CTNNA2: variants seen among roughly 807,000 people sequenced by gnomAD.
CTNNA2 encodes the protein catenin alpha 2.
Under a neutral mutation model 101.0 loss-of-function variants are expected in CTNNA2, and 42 were observed. The observed-to-expected ratio is 0.42, with a 90% confidence interval of 0.32 to 0.54. The LOEUF (loss-of-function observed/expected upper bound fraction) is 0.54, where lower values mean the gene tolerates loss of function less well. CTNNA2 is among the 20% of genes least tolerant of loss of function. The pLI is 0.14. For synonymous variants in CTNNA2, 450 were observed against 456.4 expected (o/e 0.99, Z 0.18); for missense variants, 871 against 1,223.1 (o/e 0.71, Z 4.29).
At chr2:80,217,121 C>T (rs111489707) in intron 7 of CTNNA2, among the ~76,000 whole-genome samples, 4,485 of 152,036 alleles carry the variant, frequency 0.029, 235 homozygotes, top group African/African-American at 0.1. Context: ...CATGAGCCAC[C>T]GAGCCCAGCC....
At chr2:79,751,593 C>CAAAAAAAAA (rs397985098) in intron 3 of CTNNA2, among the ~76,000 whole-genome samples, 20 of 68,916 alleles carry the variant, frequency 2.9e-4, no homozygotes, top group Admixed American at 3.6e-4. Flanking sequence ...GACTCCATCT[C>CAAAAAAAAA]AAAAAAAAAA....
intron 18 of CTNNA2, among the ~76,000 whole-genome samples, chr2:80,633,904 A>G (rs1672563748): frequency 6.6e-6 from 1 of 152,184 alleles, no homozygotes; most frequent in Non-Finnish European, 1.5e-5. Context: ...AGTAAGAGGA[A>G]GAAGACATAG....
chr2:80,531,162 G>A (rs551701710), intron 9 of CTNNA2, among the ~76,000 whole-genome samples: 1 of 152,286 alleles, frequency 6.6e-6, no homozygotes, highest in Admixed American at 6.5e-5. Flanking sequence ...CAGCAGTCAG[G>A]TTGTCTCCCC....
intron 2 of CTNNA2, among the ~76,000 whole-genome samples, chr2:79,715,227 A>C (rs1686011175): frequency 6.9e-6 from 1 of 145,104 alleles, no homozygotes; most frequent in Non-Finnish European, 1.5e-5. Flanking sequence ...AAAAAAAAAA[A>C]AACCCACAGA....
intron 7 of CTNNA2, among the ~76,000 whole-genome samples, chr2:80,366,824 T>C (rs1674979157): frequency 6.6e-6 from 1 of 152,140 alleles, no homozygotes; most frequent in African/African-American, 2.4e-5. Flanking sequence ...TAGGAGGTCC[T>C]GATGACATGT....
intron 3 of CTNNA2, among the ~76,000 whole-genome samples, chr2:79,360,944 C>T (rs1472104253): frequency 1.3e-5 from 2 of 152,016 alleles, no homozygotes; most frequent in Non-Finnish European, 2.9e-5. Context: ...TGTTTAGCTA[C>T]CACCATCTGT....
At chr2:80,002,307 G>A (rs1052839610) in intron 7 of CTNNA2, among the ~76,000 whole-genome samples, 1 of 152,130 alleles carries the variant, frequency 6.6e-6, no homozygotes, top group Non-Finnish European at 1.5e-5. Flanking sequence ...ACTCTAAAAG[G>A]AAAATTGAGA....
intron 2 of CTNNA2, among the ~76,000 whole-genome samples, chr2:79,685,289 T>G (rs1464510601): frequency 6.6e-6 from 1 of 152,214 alleles, no homozygotes; most frequent in Admixed American, 6.5e-5. Context: ...GAATCGTGCC[T>G]GGCTTTATGG....
chr2:80,096,465 A>T (rs919539217), intron 7 of CTNNA2, among the ~76,000 whole-genome samples: 4 of 152,302 alleles, frequency 2.6e-5, no homozygotes, highest in Non-Finnish European at 5.9e-5. Context: ...TGGTGCTGAA[A>T]AGAATATATA....
At position 79,856,555 on chromosome 2, in the gene CTNNA2, T is replaced by C. The variant is rs558291217; in HGVS notation, c.299-1458T>C. On this transcript the variant is annotated intron_variant, in intron 3 of 18. Transcript: ENST00000402739. The stretch of plus-strand genomic sequence containing the variant: ...AAGTTTATTGAAGCTTTTATACCCC[T>C]GTGTACACTCTGCTATATGAAGCTC... 2.6e-5 allele frequency among the ~76,000 whole-genome samples: 4 copies of C among 152,334 alleles called. No individual in the cohort carries two copies. The South Asian group carries it at 8.3e-4, about 32-fold the overall frequency.
At chr2:79,725,720 C>T (rs1686795289) in intron 2 of CTNNA2, among the ~76,000 whole-genome samples, 1 of 152,192 alleles carries the variant, frequency 6.6e-6, no homozygotes, top group Non-Finnish European at 1.5e-5. Context: ...ATTGTCAGTG[C>T]ATGCACCTTA....
intron 3 of CTNNA2, among the ~76,000 whole-genome samples, chr2:79,801,550 G>A (rs565522676): frequency 8.3e-4 from 126 of 151,164 alleles, no homozygotes; most frequent in Non-Finnish European, 1.5e-3. Flanking sequence ...CATTTTTCCT[G>A]TCTCTGCAGA....
chr2:80,583,376 T>G (rs994685176), intron 14 of CTNNA2, among the ~76,000 whole-genome samples: 2 of 151,990 alleles, frequency 1.3e-5, no homozygotes, highest in Admixed American at 1.3e-4. Flanking sequence ...CTCTATTTAA[T>G]CCCCCCTAAA....
At chr2:80,504,246 G>A (rs890459920) in intron 9 of CTNNA2, among the ~76,000 whole-genome samples, 2 of 152,120 alleles carry the variant, frequency 1.3e-5, no homozygotes, top group African/African-American at 2.4e-5. Context: ...CTTGCCAGCC[G>A]TTAGCCAGGG....
chr2:79,632,342 G>A (rs567432626), intron 1 of CTNNA2, among the ~76,000 whole-genome samples: 2 of 151,982 alleles, frequency 1.3e-5, no homozygotes, highest in Admixed American at 1.3e-4. Context: ...TTTTAGAACA[G>A]AACTTGGAAT....
intron 13 of CTNNA2, 88 bp from the exon 14 acceptor site, chr2:80,581,618 G>A (rs1695551683): frequency 1.3e-6 from 1 of 798,862 alleles, no homozygotes; most frequent in Non-Finnish European, 2.2e-6. Context: ...CTGTTTGCTG[G>A]GGGATATTTA....
intron 7 of CTNNA2, among the ~76,000 whole-genome samples, chr2:80,176,237 G>A (rs1247557567): frequency 6.6e-6 from 1 of 152,114 alleles, no homozygotes; most frequent in African/African-American, 2.4e-5. Flanking sequence ...ACATAATATA[G>A]CTATCCTTTG....
At position 80,026,417 on chromosome 2, in the gene CTNNA2, T is replaced by A. The variant is rs550166083; in HGVS notation, c.1056+116620T>A. ...TGAAATAAAATCTTCCTCTATTCTGTAGAGCTGTGACTTAACCTTTCAGTC... is the reference window on the plus strand; with the variant it reads ...TGAAATAAAATCTTCCTCTATTCTGAAGAGCTGTGACTTAACCTTTCAGTC... On this transcript the variant is annotated intron_variant, in intron 7 of 18. Transcript: ENST00000402739. 8.5e-5 allele frequency among the ~76,000 whole-genome samples: 13 copies of A among 152,310 alleles called. 1 individual carries two copies. The East Asian group carries it at 1.4e-3, about 16-fold the overall frequency.
At chr2:79,873,701 C>A (rs1397856301) in intron 5 of CTNNA2, among the ~76,000 whole-genome samples, 1 of 151,990 alleles carries the variant, frequency 6.6e-6, no homozygotes, top group Non-Finnish European at 1.5e-5. Flanking sequence ...GAGTTCAAGG[C>A]CCACCTGGGC....
Sources: gnomAD v4.1 joint callset for allele counts (sites outside exome capture counted in the v4.1 genomes callset) on GRCh38, gnomAD v4.1.1 for gene constraint, MANE v1.5 for transcripts, NCBI Gene and HGNC (gene_info 2026-07-23, HGNC 2026-07-21) for gene names.